B9D1: variants seen among roughly 807,000 people sequenced by gnomAD.
B9D1 encodes B9 domain containing 1.
A neutral mutation model predicts 26.1 loss-of-function variants in B9D1; 20 were observed. The ratio of observed to expected loss-of-function variants is 0.77; its 90% CI spans 0.54 to 1.12. The LOEUF (loss-of-function observed/expected upper bound fraction) is 1.12, where lower values mean the gene tolerates loss of function less well. Among genes scored for constraint, B9D1 ranks in the 50% most tolerant of loss-of-function variants. B9D1 has a pLI of 0.00. For synonymous variants in B9D1, 105 were observed against 103.1 expected (o/e 1.02, Z -0.11); for missense variants, 260 against 273.7 (o/e 0.95, Z 0.35).
chr17:19,344,407 G>A (rs2152254726), intron 5 of B9D1: 1 of 225,304 alleles, frequency 4.4e-6, no homozygotes, highest in Non-Finnish European at 9.2e-6. Context: ...GGCCCTGCCA[G>A]GGGCGGCACA....
At position 19,347,077 on chromosome 17, in the gene B9D1, T is replaced by A. The variant is rs1288665075; in HGVS notation, c.404+192A>T. On this transcript the variant is annotated intron_variant, in intron 5 of 6. Coordinates refer to ENST00000261499, the MANE Select transcript of B9D1 (RefSeq NM_015681.6). This position sits in a 1 kb window ranked among gnomAD's most constrained non-coding sequence, Gnocchi z 4.3. ...GGGCACAGGGTAAAATCGCCCGGCC[T>A]TCTGCTGCTGGAACAGGGCTGAAGG... The A allele has an allele frequency of 2.6e-6, 4 of 1,553,940 alleles. No homozygotes were observed. In the South Asian group the frequency reaches 3.5e-5, roughly 14 times the overall value.
intron 1 of B9D1, among the ~76,000 whole-genome samples, chr17:19,368,018 G>A (rs1386762146): frequency 3.9e-5 from 6 of 152,200 alleles, no homozygotes; most frequent in Non-Finnish European, 8.8e-5. Context: ...CTGGGCCCTC[G>A]GGTTCCAGCC....
downstream of B9D1, among the ~76,000 whole-genome samples, chr17:19,336,992 G>A (rs1429722933): frequency 1.3e-5 from 2 of 152,214 alleles, no homozygotes; most frequent in African/African-American, 2.4e-5. Context: ...TTCTGTGTCC[G>A]CCCTCTTAAT....
chr17:19,363,307 G>T (rs77366811), upstream of B9D1, among the ~76,000 whole-genome samples: 4,636 of 152,342 alleles, frequency 0.03, 91 homozygotes, highest in East Asian at 0.084. Context: ...ACTGAGGCCC[G>T]CAGCGGGCGG....
At position 19,370,775 on chromosome 17, in the gene B9D1, C is replaced by T. The variant is rs978362544; in HGVS notation, c.-298+7084G>A. On this transcript the variant is annotated intron_variant, in intron 1 of 5. Transcript: ENST00000477478. The surrounding 1 kb of genome is among the most constrained non-coding windows in gnomAD (Gnocchi z 5.1). ...GCCATGGGCAGCCACTTCCCAGATG[C>T]GGCTTCCTGCCCTTTCCTCCACCAA... 3.3e-5 allele frequency among the ~76,000 whole-genome samples: 5 copies of T among 152,222 alleles called. No homozygotes were observed. The highest frequency in any genetic ancestry group is 3.8e-4 in the East Asian group (2 of 5,204).
At chr17:19,335,568 T>G, downstream of B9D1, 1 of 1,220,512 alleles carries the variant, frequency 8.2e-7, no homozygotes. Flanking sequence ...GGGTGGGGGG[T>G]GCTTCTGTGC....
At position 19,347,154 on chromosome 17, in the gene B9D1, G is replaced by A. The variant is rs751369670; in HGVS notation, c.404+115C>T. 6.2e-7 allele frequency: 1 copy of A among 1,611,296 alleles called. No individual in the cohort carries two copies. The highest frequency in any genetic ancestry group is 1.1e-5 in the South Asian group (1 of 90,722). ...GGACCTGTTTCTATTTGTCCTCAGT[G>A]GGTGGAGCAGCTTGCAGATCTGAGG... On this transcript the variant is annotated intron_variant, in intron 5 of 6. Transcript: ENST00000261499. This position sits in a 1 kb window ranked among gnomAD's most constrained non-coding sequence, Gnocchi z 4.3.
At chr17:19,365,705 A>T (rs1911555615), upstream of B9D1, among the ~76,000 whole-genome samples, 1 of 151,930 alleles carries the variant, frequency 6.6e-6, no homozygotes, top group Non-Finnish European at 1.5e-5. This position sits in a 1 kb window ranked among gnomAD's most constrained non-coding sequence, Gnocchi z 5.0. Flanking sequence ...TCAAAATCAG[A>T]CTGCCTGCAG....
chr17:19,349,671 C>T (rs1167697147), intron 3 of B9D1, among the ~76,000 whole-genome samples: 1 of 152,186 alleles, frequency 6.6e-6, no homozygotes, highest in South Asian at 2.1e-4. Flanking sequence ...TGTGAGTCAC[C>T]TTGCCTGGCC....
At chr17:19,340,887 G>GGTAA (rs1226424189), downstream of B9D1, 1 of 165,924 alleles carries the variant, frequency 6.0e-6, no homozygotes, top group East Asian at 1.6e-4. Context: ...TCTGGTTAAT[G>GGTAA]GTAAGTGTGC....
downstream of B9D1, chr17:19,342,974 C>T (rs1202951052): frequency 5.6e-6 from 4 of 717,070 alleles, no homozygotes; most frequent in East Asian, 2.1e-4. Context: ...GGCCACACAG[C>T]TTTGAGTGGC....
chr17:19,353,687 T>C lies in B9D1; in HGVS notation c.244+4153A>G, dbSNP rs1280842237. ...CAGGCATGGTGGCTCACGCCTGTAA[T>C]CCCAGCCCTTTGGGAGGCCGAGGTG... is the stretch of plus-strand genomic sequence containing the variant. On this transcript the variant is annotated intron_variant, in intron 3 of 6. Coordinates refer to ENST00000261499, the MANE Select transcript of B9D1 (RefSeq NM_015681.6). Among the ~76,000 whole-genome samples the C allele has an allele frequency of 3.3e-5, 5 of 152,066 alleles. No homozygotes were observed. In the East Asian group the frequency reaches 7.7e-4, roughly 24 times the overall value.
downstream of B9D1, chr17:19,335,091 A>T (rs2152242654): frequency 4.8e-6 from 1 of 208,228 alleles, no homozygotes; most frequent in Admixed American, 5.6e-5. Flanking sequence ...ATGACAAAAA[A>T]ATGCCTTATT....
At chr17:19,352,514 A>ACTT (rs1555609044) in intron 3 of B9D1, among the ~76,000 whole-genome samples, 1 of 95,122 alleles carries the variant, frequency 1.1e-5, no homozygotes, top group East Asian at 3.9e-4. Flanking sequence ...GGCCTGGCTA[A>ACTT]TTTTTTTTTT....
chr17:19,347,647 C>A lies in B9D1; in HGVS notation c.341+137G>T. 1 of 864,236 alleles carries A rather than the reference C, an allele frequency of 1.2e-6. No individual in the cohort carries two copies. The highest frequency in any genetic ancestry group is 2.7e-5 in the East Asian group (1 of 37,734). The allele number at this position is 864,236 out of a possible 1,614,324, so 53.5% of individuals were successfully genotyped here. On this transcript the variant is annotated intron_variant, in intron 4 of 6. Transcript: ENST00000261499. This position sits in a 1 kb window ranked among gnomAD's most constrained non-coding sequence, Gnocchi z 4.3. The stretch of plus-strand genomic sequence containing the variant: ...CTCCTCCCAAATACAGGCTACAACC[C>A]CCCTGGCCACCAGGCTGAGCTGCCC...
At chr17:19,339,201 A>C (rs1219412150), downstream of B9D1, among the ~76,000 whole-genome samples, 1 of 152,214 alleles carries the variant, frequency 6.6e-6, no homozygotes, top group Admixed American at 6.5e-5. Context: ...AGTCTTTTGC[A>C]ACCTTTTGAT....
downstream of B9D1, chr17:19,342,945 T>C: frequency 2.5e-6 from 1 of 398,610 alleles, no homozygotes; most frequent in South Asian, 4.8e-5. Context: ...CAAGGAACAA[T>C]GTGTTGCGGT....
chr17:19,374,275 T>A (rs1465082236), intron 1 of B9D1, among the ~76,000 whole-genome samples: 11 of 152,192 alleles, frequency 7.2e-5, no homozygotes, highest in Admixed American at 7.2e-4. Flanking sequence ...AGAGCACATG[T>A]TCTTTCAATG....
chr17:19,345,573 AAGGCTG>A (rs1435784577), intron 5 of B9D1, among the ~76,000 whole-genome samples: 5 of 152,190 alleles, frequency 3.3e-5, no homozygotes, highest in African/African-American at 1.2e-4. Flanking sequence ...CAAGCCAAGG[AAGGCTG>A]GGGCCACCAG....
Sources: gnomAD v4.1 joint callset for allele counts (sites outside exome capture counted in the v4.1 genomes callset) on GRCh38, gnomAD v4.1.1 for gene constraint, Gnocchi (gnomAD v3.1) non-coding constraint, MANE v1.5 for transcripts, NCBI Gene and HGNC (gene_info 2026-07-23, HGNC 2026-07-21) for gene names.